STAP2: variants seen among roughly 807,000 people sequenced by gnomAD.
STAP2 encodes the protein signal-transducing adaptor protein 2.
A neutral mutation model predicts 52.7 loss-of-function variants in STAP2; 58 were observed. That is an observed-to-expected ratio of 1.10 (90% CI 0.89 to 1.37). STAP2 has a LOEUF of 1.37. Among genes scored for constraint, STAP2 ranks in the 40% most tolerant of loss-of-function variants. The probability of loss-of-function intolerance (pLI) is 0.00; values close to 1 mark genes in which losing one functional copy is unlikely to be tolerated. For missense variants in STAP2, 522 were observed against 519.4 expected (o/e 1.00, Z -0.05); for synonymous variants, 231 against 210.5 (o/e 1.10, Z -0.84).
chr19:4,328,902 C>T, intron 5 of STAP2, 93 bp from the exon 6 acceptor site: 1 of 1,503,204 alleles, frequency 6.7e-7, no homozygotes, highest in Non-Finnish European at 8.9e-7. Flanking sequence ...CAGCCCCATC[C>T]CCATCCCCTA....
At chr19:4,331,792 C>T (rs1049972037) in intron 4 of STAP2, among the ~76,000 whole-genome samples, 3 of 151,876 alleles carry the variant, frequency 2.0e-5, no homozygotes, top group Admixed American at 6.6e-5. Flanking sequence ...ATTAGCCGGG[C>T]GTGGTGGCGG....
intron 3 of STAP2, 56 bp downstream of exon 3, chr19:4,333,638 A>G (rs181140762): frequency 9.1e-5 from 142 of 1,557,416 alleles, no homozygotes; most frequent in Non-Finnish European, 1.1e-4. Context: ...GGGTAGGAGC[A>G]TTTGAGCATC....
rs1971756651 is a variant in STAP2, at chr19:4,324,732, T to TGA, written c.1073-205_1073-204dup. The stretch of plus-strand genomic sequence containing the variant: ...CTGTAATCCCAGCTACTTGGGAGGC[T>TGA]GAGGCAGGAGAATCACTTGAACCCG... On this transcript the variant is annotated intron_variant, in intron 11 of 12. Transcript: ENST00000594605. The TGA allele has an allele frequency of 7.4e-6, 4 of 542,440 alleles. No individual in the cohort carries two copies. The Admixed American group carries it at 1.3e-4, about 17-fold the overall frequency. 33.6% of individuals were successfully genotyped at this position (542,440 alleles called of 1,614,324 possible).
At chr19:4,331,983 G>A (rs770590977) in intron 4 of STAP2, 39 bp downstream of exon 4, 3 of 1,587,538 alleles carry the variant, frequency 1.9e-6, no homozygotes, top group Non-Finnish European at 2.6e-6. Context: ...AGGAGATCTG[G>A]AGAATGGGAG....
rs776193640 is a variant in STAP2, at chr19:4,327,289, T to G, written c.660+27A>C. On this transcript the variant is annotated intron_variant, in intron 7 of 12. Coordinates refer to ENST00000594605, the MANE Select transcript of STAP2 (RefSeq NM_001013841.2). ...AGGGACGCGGACCCCACAAAGTCAC[T>G]TCTAGGGACTCTGGCCCAACGCTCA... is the stretch of plus-strand genomic sequence containing the variant. 1.9e-5 allele frequency: 30 copies of G among 1,614,006 alleles called. 1 individual carries two copies. Among genetic ancestry groups the G allele is most frequent in the Middle Eastern group, 3.3e-4 (2 of 6,084 alleles).
chr19:4,324,467 A>G lies in STAP2; in HGVS notation c.1135T>C (p.Phe379Leu), dbSNP rs1331383500. ...KLPVSSAQPL[F>L]PTAGLADMTA... is the part of the protein sequence containing the mutation. ...GCAGACCCCTTACCGGCTGTGGGGA[A>G]GAGAGGCTGGGCTGAACTGACTGGC... The change falls in exon 12 of 13, where the codon TTC becomes CTC. Residue 379 changes from phenylalanine to leucine, a missense_variant. Coordinates refer to ENST00000594605, the MANE Select transcript of STAP2 (RefSeq NM_001013841.2). 1.3e-6 allele frequency: 2 copies of G among 1,572,650 alleles called. No homozygotes were observed. Among genetic ancestry groups the G allele is most frequent in the African/African-American group, 1.3e-5 (1 of 74,426 alleles).
chr19:4,328,632 C>A lies in STAP2; in HGVS notation c.590+43G>T, dbSNP rs774042858. The A allele has an allele frequency of 3.2e-6, 5 of 1,547,676 alleles. No homozygotes were observed. In the South Asian group the frequency reaches 5.9e-5, roughly 18 times the overall value. The stretch of plus-strand genomic sequence containing the variant: ...CCACGCCCCCGCGCCCACCCTCTTC[C>A]CACCCTCCTCCCACCCAGGGCTCTC... On this transcript the variant is annotated intron_variant, in intron 6 of 12. Transcript: ENST00000594605.
rs781188719 is a variant in STAP2 at position 4,327,219 on chromosome 19, C to A, written c.668G>T (p.Cys223Phe). ...YVIDVEQPFSCTSLDAVVNYF... is the reference protein window; with the variant it reads ...YVIDVEQPFSFTSLDAVVNYF... The stretch of plus-strand genomic sequence containing the variant: ...GTTGACCACGGCGTCCAGGGAGGTG[C>A]AAGAGAACTGGGGGCAGATGGGGGA... Residue 223 changes from cysteine to phenylalanine, a missense_variant, in exon 8 of 13, where the codon TGC becomes TTC. Transcript: ENST00000594605. The A allele has an allele frequency of 7.4e-6, 12 of 1,613,918 alleles. No homozygotes were observed. The highest frequency in any genetic ancestry group is 1.0e-5 in the Non-Finnish European group (12 of 1,180,018).
intron 1 of STAP2, among the ~76,000 whole-genome samples, chr19:4,335,284 C>T (rs146390840): frequency 6.6e-6 from 1 of 151,932 alleles, no homozygotes; most frequent in African/African-American, 2.4e-5. Context: ...TCACCATCCA[C>T]CCACCCACGC....
intron 4 of STAP2, 91 bp downstream of exon 4, chr19:4,331,931 C>CA (rs1277083781): frequency 2.0e-5 from 29 of 1,414,758 alleles, no homozygotes; most frequent in Non-Finnish European, 2.6e-5. Flanking sequence ...GACTCCGTCT[C>CA]AAAAAAAGAA....
At chr19:4,333,853 C>T (rs781235232) in intron 2 of STAP2, 37 bp from the exon 3 acceptor site, 1 of 1,613,442 alleles carries the variant, frequency 6.2e-7, no homozygotes, top group African/African-American at 1.3e-5. Context: ...GGCACCAGTT[C>T]CTTGGCCTCC....
At chr19:4,324,366 A>G (rs73534881) in intron 12 of STAP2, 89 bp downstream of exon 12, 55 of 1,359,274 alleles carry the variant, frequency 4.0e-5, no homozygotes, top group Middle Eastern at 4.8e-4. Flanking sequence ...ACCTTAAAAG[A>G]CAGGGCGCTT....
At position 4,332,196 on chromosome 19, in the gene STAP2, CTTTTTTTTTTTT is replaced by C. The variant is rs58828365; in HGVS notation, c.298-130_298-119del. The C allele has an allele frequency of 9.0e-3, 2,141 of 238,942 alleles. 5 individuals carry two copies. Among genetic ancestry groups the C allele is most frequent in the East Asian group, 0.02 (177 of 8,710 alleles). 14.8% of individuals were successfully genotyped at this position (238,942 alleles called of 1,614,324 possible). ...GGCCGTTTTCTTTTTTCTTTTTCTT[CTTTTTTTTTTTT>C]TTTTTTTTTTTTTTGAGATGGAGTC... On this transcript the variant is annotated intron_variant, in intron 3 of 12. Coordinates refer to ENST00000594605, the MANE Select transcript of STAP2 (RefSeq NM_001013841.2).
intron 1 of STAP2, 27 bp from the exon 2 acceptor site, chr19:4,334,071 A>T (rs1971935372): frequency 6.3e-7 from 1 of 1,597,140 alleles, no homozygotes; most frequent in South Asian, 1.1e-5. Context: ...CAGAAAGAAG[A>T]GGTGAGCTGG....
At chr19:4,337,351 C>A (rs1463787835) in intron 1 of STAP2, among the ~76,000 whole-genome samples, 1 of 151,130 alleles carries the variant, frequency 6.6e-6, no homozygotes, top group Non-Finnish European at 1.5e-5. Flanking sequence ...CCTGCCTCAG[C>A]CTCCAGAGTA....
intron 1 of STAP2, among the ~76,000 whole-genome samples, chr19:4,336,427 C>T (rs1039809113): frequency 1.3e-4 from 20 of 148,838 alleles, no homozygotes; most frequent in African/African-American, 5.0e-4. Flanking sequence ...AAGCAATTCT[C>T]CTGCCTCAGC....
chr19:4,324,240 C>T (rs1320066459), intron 12 of STAP2, 43 bp from the exon 13 acceptor site: 1 of 1,541,104 alleles, frequency 6.5e-7, no homozygotes, highest in Non-Finnish European at 8.8e-7. Context: ...TCAGGGATCC[C>T]CAGTCCATGC....
At chr19:4,330,709 TA>T (rs1971875681) in intron 4 of STAP2, among the ~76,000 whole-genome samples, 1 of 141,390 alleles carries the variant, frequency 7.1e-6, no homozygotes, top group African/African-American at 2.7e-5. Flanking sequence ...TGATGTCAGC[TA>T]ATTTTTTTTT....
intron 4 of STAP2, 71 bp from the exon 5 acceptor site, chr19:4,330,132 A>T: frequency 2.4e-6 from 3 of 1,267,306 alleles, no homozygotes; most frequent in Non-Finnish European, 3.5e-6. Context: ...CAAGTCACAG[A>T]GTGGCAAATT....
Sources: gnomAD v4.1 joint callset for allele counts (sites outside exome capture counted in the v4.1 genomes callset) on GRCh38, gnomAD v4.1.1 for gene constraint, MANE v1.5 for transcripts, NCBI Gene and HGNC (gene_info 2026-07-23, HGNC 2026-07-21) for gene names.